DCT: variants seen among roughly 807,000 people sequenced by gnomAD.
DCT encodes the protein L-dopachrome tautomerase.
DCT carries 47 observed loss-of-function variants against 53.0 expected under a neutral mutation model. That is an observed-to-expected ratio of 0.89 (90% confidence interval 0.70 to 1.13). DCT has a LOEUF of 1.13. DCT is among the 50% of genes most tolerant of loss of function. The pLI, the probability that DCT is intolerant of heterozygous loss-of-function variation, is 0.00. For synonymous variants in DCT, 244 were observed against 237.0 expected (o/e 1.03, Z -0.27); for missense variants, 669 against 637.4 (o/e 1.05, Z -0.53).
the DCT span, among the ~76,000 whole-genome samples, chr13:94,494,090 C>T: frequency 6.6e-6 from 1 of 152,194 alleles, no homozygotes; most frequent in Admixed American, 6.5e-5. Context: ...GGATCTCAAG[C>T]TCATCCCAAA....
chr13:94,463,774 C>T (rs892389919), intron 4 of DCT, among the ~76,000 whole-genome samples: 1 of 152,020 alleles, frequency 6.6e-6, no homozygotes, highest in Non-Finnish European at 1.5e-5. Flanking sequence ...GGATAGGACC[C>T]AGTATGTGAG....
the DCT span, among the ~76,000 whole-genome samples, chr13:94,518,138 G>C: frequency 2.7e-5 from 4 of 147,248 alleles, no homozygotes; most frequent in Non-Finnish European, 4.5e-5. Flanking sequence ...AGGAAGGAAG[G>C]AAGGAAGGAA....
chr13:94,549,149 C>A, the DCT span, among the ~76,000 whole-genome samples: 6 of 152,364 alleles, frequency 3.9e-5, no homozygotes, highest in African/African-American at 1.2e-4. Context: ...CCAGAAATAA[C>A]CAGCACTGGG....
chr13:94,488,635 A>G, the DCT span, among the ~76,000 whole-genome samples: 2 of 151,902 alleles, frequency 1.3e-5, no homozygotes, highest in Non-Finnish European at 2.9e-5. Flanking sequence ...GAATAGCTTG[A>G]GCCCAAGAGG....
chr13:94,468,472 G>GA, intron 2 of DCT: 1 of 331,588 alleles, frequency 3.0e-6, no homozygotes, highest in Non-Finnish European at 5.6e-6. Context: ...TCACATCTTT[G>GA]ATGATTAACA....
chr13:94,532,629 C>T, the DCT span, among the ~76,000 whole-genome samples: 1 of 152,020 alleles, frequency 6.6e-6, no homozygotes, highest in Admixed American at 6.6e-5. Flanking sequence ...CACACCAGGG[C>T]CTGTCAGGGA....
the DCT span, among the ~76,000 whole-genome samples, chr13:94,516,188 T>C: frequency 6.6e-6 from 1 of 151,894 alleles, no homozygotes; most frequent in Non-Finnish European, 1.5e-5. Flanking sequence ...ATGGATTGAG[T>C]GTGCCTGGCA....
the DCT span, among the ~76,000 whole-genome samples, chr13:94,514,021 C>T: frequency 7.0e-6 from 1 of 142,674 alleles, no homozygotes; most frequent in Non-Finnish European, 1.5e-5. Flanking sequence ...AGATAGATAC[C>T]TATCTCTTTT....
At chr13:94,531,950 AAAATCCC>A in the DCT span, among the ~76,000 whole-genome samples, 1 of 152,208 alleles carries the variant, frequency 6.6e-6, no homozygotes, top group Non-Finnish European at 1.5e-5. Context: ...ACAAGAAAAA[AAAATCCC>A]ATCAAAAAGT....
At chr13:94,462,273 T>A in intron 4 of DCT, 84 bp from the exon 5 acceptor site, 1 of 1,037,696 alleles carries the variant, frequency 9.6e-7, no homozygotes, top group South Asian at 1.3e-5. Context: ...TTTGGGAGGT[T>A]GAGGCAGGTG....
At chr13:94,523,700 T>C in the DCT span, among the ~76,000 whole-genome samples, 1 of 152,124 alleles carries the variant, frequency 6.6e-6, no homozygotes, top group South Asian at 2.1e-4. Flanking sequence ...GCAGCACCAT[T>C]CTGATCAGAG....
At chr13:94,462,551 T>C (rs1212051276) in intron 4 of DCT, among the ~76,000 whole-genome samples, 1 of 151,950 alleles carries the variant, frequency 6.6e-6, no homozygotes, top group East Asian at 1.9e-4. Context: ...TTAACTTATG[T>C]ACAGTATTAT....
intron 4 of DCT, among the ~76,000 whole-genome samples, chr13:94,463,395 C>G (rs1201097218): frequency 6.6e-6 from 1 of 151,996 alleles, no homozygotes. Flanking sequence ...CCTACCTCAG[C>G]CTCCTGAGTA....
chr13:94,525,499 A>G, the DCT span, among the ~76,000 whole-genome samples: 1 of 152,154 alleles, frequency 6.6e-6, no homozygotes, highest in Non-Finnish European at 1.5e-5. Flanking sequence ...TGGTGTAGGA[A>G]TTACTTGCCA....
chr13:94,498,674 C>T, the DCT span, among the ~76,000 whole-genome samples: 1 of 152,368 alleles, frequency 6.6e-6, no homozygotes, highest in East Asian at 1.9e-4. Flanking sequence ...ATGACAGGAG[C>T]TGTGTACATT....
the DCT span, among the ~76,000 whole-genome samples, chr13:94,531,777 C>G: frequency 6.6e-6 from 1 of 152,004 alleles, no homozygotes; most frequent in South Asian, 2.1e-4. Context: ...CAACAAAAGC[C>G]AAAATAGACA....
At chr13:94,447,191 C>T (rs1468652195) in intron 6 of DCT, among the ~76,000 whole-genome samples, 1 of 152,210 alleles carries the variant, frequency 6.6e-6, no homozygotes, top group Non-Finnish European at 1.5e-5. Flanking sequence ...TCTACTTCCT[C>T]TACACCACCG....
intron 1 of DCT, 36 bp from the exon 2 acceptor site, chr13:94,469,081 G>T (rs756319745): frequency 7.8e-6 from 12 of 1,539,820 alleles, no homozygotes; most frequent in South Asian, 4.5e-5. Flanking sequence ...AAGGAAGGGG[G>T]TTTATGTCGT....
chr13:94,459,993 C>T, intron 6 of DCT, 98 bp downstream of exon 6: 1 of 1,278,380 alleles, frequency 7.8e-7, no homozygotes, highest in Non-Finnish European at 1.1e-6. Flanking sequence ...ACATTGTTCA[C>T]ACAGAGAATA....
Sources: gnomAD v4.1 joint callset for allele counts (sites outside exome capture counted in the v4.1 genomes callset) on GRCh38, gnomAD v4.1.1 for gene constraint, MANE v1.5 for transcripts, NCBI Gene and HGNC (gene_info 2026-07-23, HGNC 2026-07-21) for gene names.